The following XPNPEP3 variants were observed in gnomAD, a reference collection of about 807,000 sequenced individuals.
XPNPEP3 encodes xaa-Pro aminopeptidase 3.
A neutral mutation model predicts 60.0 loss-of-function variants in XPNPEP3; 41 were observed. That is an observed-to-expected ratio of 0.68 (90% CI 0.53 to 0.89). The LOEUF is 0.89. Ranked by LOEUF, XPNPEP3 falls within the 40% of genes least tolerant of loss-of-function variation. XPNPEP3 has a pLI of 0.00. For missense variants in XPNPEP3, 598 were observed against 638.9 expected, an observed-to-expected ratio of 0.94 and a Z score of 0.69; for synonymous variants, 212 against 223.2, an observed-to-expected ratio of 0.95 and a Z score of 0.45.
chr22:40,878,183 GCAACAAGAA>G (rs2058034722), intron 2 of XPNPEP3, among the ~76,000 whole-genome samples: 1 of 149,978 alleles, frequency 6.7e-6, no homozygotes, highest in Non-Finnish European at 1.5e-5. Flanking sequence ...TCCAGCCTGG[GCAACAAGAA>G]CAAAGCTCTA....
chr22:40,915,120 C>T lies in XPNPEP3; in HGVS notation c.1055+796C>T, dbSNP rs921488758. 4.2e-5 allele frequency among the ~76,000 whole-genome samples: 6 copies of T among 142,412 alleles called. No individual in the cohort carries two copies. In the East Asian group the frequency reaches 1.1e-3, roughly 25 times the overall value. The allele number at this position is 142,412 out of a possible 152,430, so 93.4% of individuals were successfully genotyped here. A position where few individuals can be genotyped will look rare whatever the true frequency, so the allele number is the denominator to read the frequency against. On this transcript the variant is annotated intron_variant, in intron 7 of 9. Transcript: ENST00000357137. ...AGGCTGGAGTGCAGTGGCATGATCT[C>T]GGCTCACTGCTAGCTCCACCTCCCA... is the stretch of plus-strand genomic sequence containing the variant.
Position 40,869,125 on chromosome 22 carries a change from T to A in XPNPEP3, c.181+10T>A. 1 of 1,605,520 alleles carries A rather than the reference T, an allele frequency of 6.2e-7. No individual in the cohort carries two copies. Among genetic ancestry groups the A allele is most frequent in the Non-Finnish European group, 8.5e-7 (1 of 1,172,302 alleles). ...CACCTCCTCAGACCAGGTAAGGCCT[T>A]TTAACTGTGCTATCTCCCCATTTAG... On this transcript the variant is annotated intron_variant, in intron 2 of 9. Transcript: ENST00000357137.
intron 4 of XPNPEP3, among the ~76,000 whole-genome samples, chr22:40,899,625 C>A (rs1364928464): frequency 6.6e-6 from 1 of 151,936 alleles, no homozygotes; most frequent in African/African-American, 2.4e-5. Flanking sequence ...ATAAGACCAT[C>A]CTGGCCAACA....
chr22:40,908,429 G>T (rs1478523975), intron 5 of XPNPEP3, among the ~76,000 whole-genome samples: 1 of 151,958 alleles, frequency 6.6e-6, no homozygotes, highest in East Asian at 1.9e-4. Flanking sequence ...GAGGTGGGTG[G>T]ATGGCTTGAG....
chr22:40,879,471 C>T (rs572494171), intron 2 of XPNPEP3, among the ~76,000 whole-genome samples: 1 of 152,096 alleles, frequency 6.6e-6, no homozygotes, highest in African/African-American at 2.4e-5. Flanking sequence ...TTTGGGAGGC[C>T]GAGGCAGGCA....
chr22:40,898,874 C>T (rs1270366551), intron 4 of XPNPEP3, among the ~76,000 whole-genome samples: 2 of 152,102 alleles, frequency 1.3e-5, no homozygotes, highest in African/African-American at 4.8e-5. Context: ...GCATCCACAG[C>T]ATTTCTGTAG....
chr22:40,861,766 C>A, intron 1 of XPNPEP3: 1 of 1,613,432 alleles, frequency 6.2e-7, no homozygotes, highest in Non-Finnish European at 8.5e-7. Context: ...AAATGACTTC[C>A]ACCTCCGTTT....
intron 4 of XPNPEP3, among the ~76,000 whole-genome samples, chr22:40,891,945 C>T (rs57808148): frequency 7.9e-5 from 12 of 152,124 alleles, no homozygotes; most frequent in African/African-American, 2.9e-4. Context: ...CACTGGCAGT[C>T]GTGCTTGGGA....
At chr22:40,864,000 A>G (rs1005595042) in intron 1 of XPNPEP3, among the ~76,000 whole-genome samples, 2 of 152,202 alleles carry the variant, frequency 1.3e-5, no homozygotes, top group Non-Finnish European at 2.9e-5. Context: ...ACCCCAAGAG[A>G]TGGTTCTTGG....
intron 7 of XPNPEP3, among the ~76,000 whole-genome samples, chr22:40,915,251 C>T (rs982418952): frequency 2.6e-5 from 4 of 151,832 alleles, no homozygotes; most frequent in Non-Finnish European, 4.4e-5. Context: ...GGGATTTCAC[C>T]GTGTTAGCCA....
chr22:40,863,071 A>G (rs547963245), intron 1 of XPNPEP3, among the ~76,000 whole-genome samples: 1 of 152,342 alleles, frequency 6.6e-6, no homozygotes, highest in South Asian at 2.1e-4. Context: ...GCCACTGGCC[A>G]TGTTGATGGA....
chr22:40,865,686 T>C (rs1414112214), intron 1 of XPNPEP3, among the ~76,000 whole-genome samples: 2 of 148,460 alleles, frequency 1.3e-5, no homozygotes, highest in African/African-American at 5.0e-5. Context: ...CACACTCTTT[T>C]TTTGTGGGGG....
intron 6 of XPNPEP3, among the ~76,000 whole-genome samples, chr22:40,911,986 G>C (rs756582685): frequency 6.6e-6 from 1 of 152,174 alleles, no homozygotes. Flanking sequence ...TGAATGCACA[G>C]GCAGTGTGAG....
chr22:40,926,248 G>A (rs1569034376), intron 9 of XPNPEP3, 21 bp from the exon 10 acceptor site: 2 of 1,614,098 alleles, frequency 1.2e-6, no homozygotes, highest in Non-Finnish European at 1.7e-6. Flanking sequence ...TGAACAGCAT[G>A]TTCTTCTTTC....
chr22:40,902,678 T>C (rs563695246), intron 4 of XPNPEP3, among the ~76,000 whole-genome samples: 89 of 152,352 alleles, frequency 5.8e-4, no homozygotes, highest in African/African-American at 2.0e-3. Flanking sequence ...CCACCAGGCC[T>C]GGGCAACACT....
chr22:40,889,616 G>C (rs1020472824), intron 4 of XPNPEP3, among the ~76,000 whole-genome samples: 2 of 152,134 alleles, frequency 1.3e-5, no homozygotes, highest in Non-Finnish European at 2.9e-5. Context: ...GTGAGGCAGC[G>C]AGGAGTTAGA....
At chr22:40,860,684 A>G in intron 1 of XPNPEP3, 1 of 1,199,994 alleles carries the variant, frequency 8.3e-7, no homozygotes, top group South Asian at 1.5e-5. Flanking sequence ...ACAGGGTCTT[A>G]CTTTGTCACC....
At chr22:40,892,045 G>A (rs1445450805) in intron 4 of XPNPEP3, among the ~76,000 whole-genome samples, 4 of 152,178 alleles carry the variant, frequency 2.6e-5, no homozygotes, top group African/African-American at 9.7e-5. Flanking sequence ...CTTTGGGCAT[G>A]CTGTCATAGT....
At position 40,924,498 on chromosome 22, in the gene XPNPEP3, AC is replaced by A; in HGVS notation, c.1357+17del. 6.2e-7 allele frequency: 1 copy of A among 1,614,026 alleles called. No individual in the cohort carries two copies. Among genetic ancestry groups the A allele is most frequent in the South Asian group, 1.1e-5 (1 of 91,072 alleles). ...ATTGAGCCCGGTAAGGAGAGGTGTT[AC>A]AATAGTAGTATGAGGTAAATGTTTG... On this transcript the variant is annotated intron_variant, in intron 9 of 9. Coordinates refer to ENST00000357137, the MANE Select transcript of XPNPEP3 (RefSeq NM_022098.4).
Sources: allele counts gnomAD v4.1 joint callset (sites outside exome capture counted in the v4.1 genomes callset), GRCh38; gene constraint gnomAD v4.1.1; transcripts MANE v1.5; gene names NCBI Gene and HGNC (gene_info 2026-07-23, HGNC 2026-07-21).